Variants in SERPINI1 observed in about 807,000 individuals in gnomAD.
The protein encoded by SERPINI1 is serpin family I member 1, also known as neuroserpin.
SERPINI1 carries 19 observed loss-of-function variants against 41.1 expected under a neutral mutation model. The observed-to-expected ratio is 0.46, with a 90% CI of 0.32 to 0.68. The LOEUF is 0.68. Among genes scored for constraint, SERPINI1 ranks in the 30% least tolerant of loss-of-function variants. The pLI, the probability that SERPINI1 is intolerant of heterozygous loss-of-function variation, is 0.03. For missense variants in SERPINI1, 460 were observed against 479.2 expected (o/e 0.96, Z 0.37); for synonymous variants, 138 against 156.6 (o/e 0.88, Z 0.89).
chr3:167,819,014 A>ACCT (rs1712223002), intron 6 of SERPINI1, among the ~76,000 whole-genome samples: 1 of 152,220 alleles, frequency 6.6e-6, no homozygotes, highest in Admixed American at 6.5e-5. Context: ...ATTCAAGGTC[A>ACCT]TGATATTGGC....
At chr3:167,736,553 A>C (rs1355680151) in intron 1 of SERPINI1, among the ~76,000 whole-genome samples, 1 of 152,224 alleles carries the variant, frequency 6.6e-6, no homozygotes, top group Non-Finnish European at 1.5e-5. Flanking sequence ...TTTGTGTCCG[A>C]TAATATGTGT....
intron 1 of SERPINI1, among the ~76,000 whole-genome samples, chr3:167,762,537 A>G (rs1188137170): frequency 6.6e-6 from 1 of 152,088 alleles, no homozygotes; most frequent in African/African-American, 2.4e-5. Flanking sequence ...CAGCCTCCCC[A>G]TTCCACCTGT....
chr3:167,762,857 C>A (rs1726431228), intron 1 of SERPINI1, among the ~76,000 whole-genome samples: 1 of 151,782 alleles, frequency 6.6e-6, no homozygotes, highest in Admixed American at 6.6e-5. Context: ...TTTTTGAAGA[C>A]TTGAATGTTT....
intron 6 of SERPINI1, among the ~76,000 whole-genome samples, chr3:167,818,570 T>A (rs188896545): frequency 6.6e-6 from 1 of 152,314 alleles, no homozygotes; most frequent in African/African-American, 2.4e-5. Flanking sequence ...TTCTTTTTTT[T>A]AATGAATTTT....
intron 7 of SERPINI1, 79 bp from the exon 8 acceptor site, chr3:167,824,394 G>A (rs935737430): frequency 1.5e-4 from 158 of 1,036,690 alleles, no homozygotes; most frequent in Admixed American, 1.2e-3. Context: ...TAGGTGGATA[G>A]GCATAGATGG....
intron 6 of SERPINI1, among the ~76,000 whole-genome samples, chr3:167,808,830 T>TG (rs529390076): frequency 6.6e-6 from 1 of 152,134 alleles, no homozygotes; most frequent in Non-Finnish European, 1.5e-5. Context: ...AGAAACAGTT[T>TG]GGGGGGCTCG....
At chr3:167,810,579 A>G (rs1338077731) in intron 6 of SERPINI1, among the ~76,000 whole-genome samples, 1 of 151,170 alleles carries the variant, frequency 6.6e-6, no homozygotes, top group Non-Finnish European at 1.5e-5. Context: ...GCTAATGATC[A>G]TCTGAGCCAT....
At chr3:167,762,619 C>G (rs1449616464) in intron 1 of SERPINI1, among the ~76,000 whole-genome samples, 1 of 152,162 alleles carries the variant, frequency 6.6e-6, no homozygotes, top group Non-Finnish European at 1.5e-5. Flanking sequence ...TCCCTGGCTT[C>G]TGACCCTAGA....
intron 1 of SERPINI1, among the ~76,000 whole-genome samples, chr3:167,769,227 T>C (rs6799632): frequency 0.45 from 67,984 of 151,828 alleles, 16,114 homozygotes; most frequent in African/African-American, 0.61. Flanking sequence ...CTCTTGACCT[T>C]GTGATCCACC....
At chr3:167,777,493 G>T (rs990115185) in intron 1 of SERPINI1, among the ~76,000 whole-genome samples, 2 of 152,048 alleles carry the variant, frequency 1.3e-5, no homozygotes, top group Non-Finnish European at 2.9e-5. Flanking sequence ...ATTCTTGGAG[G>T]TTTACAGCCT....
intron 1 of SERPINI1, among the ~76,000 whole-genome samples, chr3:167,775,603 G>T (rs906018709): frequency 3.9e-5 from 6 of 151,912 alleles, no homozygotes; most frequent in Non-Finnish European, 7.4e-5. Flanking sequence ...TTTATTACAC[G>T]AAAACATTTT....
At chr3:167,818,761 A>G (rs1248967819) in intron 6 of SERPINI1, among the ~76,000 whole-genome samples, 1 of 152,162 alleles carries the variant, frequency 6.6e-6, no homozygotes, top group Non-Finnish European at 1.5e-5. Context: ...TGACTAGAGG[A>G]TATTACAACA....
chr3:167,797,854 G>A (rs1302649339), intron 5 of SERPINI1, among the ~76,000 whole-genome samples: 1 of 151,780 alleles, frequency 6.6e-6, no homozygotes, highest in African/African-American at 2.4e-5. Flanking sequence ...AAATTACTAT[G>A]TAAATCAGGC....
rs1446146183 is a variant in SERPINI1, at chr3:167,772,907, C to T, written c.-18-16204C>T. On this transcript the variant is annotated intron_variant, in intron 1 of 8. Coordinates refer to ENST00000446050, the MANE Select transcript of SERPINI1 (RefSeq NM_001122752.2). ...ATATATATATATACACACACACACACACACACACACACACATGCATATATA... is the reference window on the plus strand; with the variant it reads ...ATATATATATATACACACACACACATACACACACACACACATGCATATATA... Among the ~76,000 whole-genome samples the T allele has an allele frequency of 7.8e-3, 679 of 87,294 alleles. 26 individuals are homozygous for T. Among genetic ancestry groups the T allele is most frequent in the African/African-American group, 0.035 (618 of 17,688 alleles). 57.3% of individuals were successfully genotyped at this position (87,294 alleles called of 152,430 possible). A position where few individuals can be genotyped will look rare whatever the true frequency, so the allele number is the denominator to read the frequency against.
intron 1 of SERPINI1, among the ~76,000 whole-genome samples, chr3:167,751,729 T>C (rs1726053840): frequency 6.6e-6 from 1 of 152,100 alleles, no homozygotes; most frequent in South Asian, 2.1e-4. Flanking sequence ...CAGCGTTATG[T>C]ATGATTTGTT....
At chr3:167,784,837 A>T (rs945461237) in intron 1 of SERPINI1, among the ~76,000 whole-genome samples, 2 of 152,220 alleles carry the variant, frequency 1.3e-5, no homozygotes, top group South Asian at 4.1e-4. Flanking sequence ...AACCATATCC[A>T]TGATAAAAAT....
At chr3:167,740,223 G>A (rs1450300710) in intron 1 of SERPINI1, among the ~76,000 whole-genome samples, 2 of 151,888 alleles carry the variant, frequency 1.3e-5, no homozygotes, top group Admixed American at 1.3e-4. Context: ...TAGAGATAAG[G>A]GTCTCACTGT....
At chr3:167,744,663 AAAAT>A (rs1321462980) in intron 1 of SERPINI1, among the ~76,000 whole-genome samples, 1 of 118,728 alleles carries the variant, frequency 8.4e-6, no homozygotes, top group Non-Finnish European at 1.6e-5. Flanking sequence ...TATAAATATA[AAAAT>A]ATATATATAA....
intron 1 of SERPINI1, among the ~76,000 whole-genome samples, chr3:167,776,692 T>A (rs1384066926): frequency 6.6e-6 from 1 of 152,256 alleles, no homozygotes; most frequent in East Asian, 1.9e-4. Flanking sequence ...CAGTAGGCAC[T>A]AGCCACATGT....
Sources: gnomAD v4.1 joint callset for allele counts (sites outside exome capture counted in the v4.1 genomes callset) on GRCh38, gnomAD v4.1.1 for gene constraint, MANE v1.5 for transcripts, NCBI Gene and HGNC (gene_info 2026-07-23, HGNC 2026-07-21) for gene names.